Variants in GPHN observed in about 807,000 individuals in gnomAD.
GPHN encodes the protein gephyrin.
A neutral mutation model predicts 95.5 loss-of-function variants in GPHN; 17 were observed. That is an observed-to-expected ratio of 0.18 (90% CI 0.12 to 0.27). The LOEUF (loss-of-function observed/expected upper bound fraction) is 0.27. GPHN is among the 10% of genes least tolerant of loss of function. GPHN has a pLI of 1.00. For missense variants in GPHN, 660 were observed against 978.1 expected (o/e 0.67, Z 4.34); for synonymous variants, 320 against 322.5 (o/e 0.99, Z 0.08).
the GPHN span, chr14:67,515,407 CCGGCGGCGGCGG>C: frequency 1.2e-4 from 22 of 178,880 alleles, no homozygotes; most frequent in Middle Eastern, 2.6e-3. Context: ...AAAGGAGCCC[CCGGCGGCGGCGG>C]CGGCGGCGGC....
At chr14:67,435,624 G>C in the GPHN span, among the ~76,000 whole-genome samples, 1 of 152,174 alleles carries the variant, frequency 6.6e-6, no homozygotes, top group Non-Finnish European at 1.5e-5. Context: ...TCCCAGGGAG[G>C]TCACTGGAAG....
At chr14:67,110,048 A>G (rs2078278737) in intron 13 of GPHN, 92 bp from the exon 14 acceptor site, 1 of 1,113,778 alleles carries the variant, frequency 9.0e-7, no homozygotes, top group Non-Finnish European at 1.3e-6. Flanking sequence ...TTTATGGTTT[A>G]TTTTTTAATA....
the GPHN span, among the ~76,000 whole-genome samples, chr14:67,522,413 G>A: frequency 9.2e-5 from 14 of 152,286 alleles, no homozygotes; most frequent in East Asian, 9.7e-4. Flanking sequence ...AAGCTTAGTC[G>A]TCTGAGGGGG....
At chr14:67,605,493 C>A in the GPHN span, among the ~76,000 whole-genome samples, 1 of 151,856 alleles carries the variant, frequency 6.6e-6, no homozygotes, top group South Asian at 2.1e-4. Context: ...AAGTGCTGGG[C>A]TTACAGGCAT....
intron 18 of GPHN, among the ~76,000 whole-genome samples, chr14:67,155,455 A>T (rs192762040): frequency 6.6e-6 from 1 of 152,370 alleles, no homozygotes; most frequent in Non-Finnish European, 1.5e-5. Context: ...TTGATAAAGT[A>T]GACCTAAAAA....
intron 9 of GPHN, among the ~76,000 whole-genome samples, chr14:66,975,437 T>G (rs529021327): frequency 1.3e-5 from 2 of 152,314 alleles, no homozygotes; most frequent in African/African-American, 4.8e-5. Context: ...GAAGAAGCAG[T>G]TTTTAGCATT....
chr14:67,547,343 G>A, the GPHN span, among the ~76,000 whole-genome samples: 1 of 152,230 alleles, frequency 6.6e-6, no homozygotes, highest in South Asian at 2.1e-4. Flanking sequence ...TGTCAGGATT[G>A]TGTCTGTCCT....
At chr14:67,642,793 C>CTTTTTTTTTTTTTTTTT in the GPHN span, among the ~76,000 whole-genome samples, 44 of 75,556 alleles carry the variant, frequency 5.8e-4, 13 homozygotes, top group African/African-American at 1.6e-3. Flanking sequence ...ACTACATTTT[C>CTTTTTTTTTTTTTTTTT]TTTTTTTTTT....
In GPHN at chr14:66,740,667, A is replaced by AGCC. The variant is rs1673250500; in HGVS notation, c.144-35797_144-35796insGCC. 5.3e-5 allele frequency among the ~76,000 whole-genome samples: 8 copies of AGCC among 152,276 alleles called. No individual in the cohort carries two copies. In the South Asian group the frequency reaches 1.7e-3, roughly 32 times the overall value. ...TGTGGTAAGTGCTTATCATATTTTT[A>AGCC]AAATGACTGATATTTGGCTCTTATA... is the stretch of plus-strand genomic sequence containing the variant. On this transcript the variant is annotated intron_variant, in intron 2 of 22. Coordinates refer to ENST00000478722, the MANE Select transcript of GPHN (RefSeq NM_020806.5).
chr14:67,226,011 C>G, the GPHN span, among the ~76,000 whole-genome samples: 1 of 150,772 alleles, frequency 6.6e-6, no homozygotes, highest in African/African-American at 2.4e-5. Context: ...GGGCTGAGTT[C>G]ACAGTATTGA....
chr14:66,533,810 C>T (rs990076608), intron 1 of GPHN, among the ~76,000 whole-genome samples: 1 of 152,078 alleles, frequency 6.6e-6, no homozygotes, highest in Non-Finnish European at 1.5e-5. Flanking sequence ...TACAGTTACG[C>T]CTTAGGTGAC....
chr14:67,577,240 T>C, the GPHN span: 1 of 998,262 alleles, frequency 1.0e-6, no homozygotes, highest in Non-Finnish European at 1.5e-6. Context: ...TGGCGGTGAG[T>C]GGGAGATGAG....
At chr14:66,822,163 G>A (rs1267771777) in intron 3 of GPHN, among the ~76,000 whole-genome samples, 3 of 152,060 alleles carry the variant, frequency 2.0e-5, no homozygotes. Flanking sequence ...TCTTGGCCTG[G>A]GTGGCCTCGA....
At chr14:66,937,420 C>T (rs377100845) in intron 8 of GPHN, among the ~76,000 whole-genome samples, 20 of 148,952 alleles carry the variant, frequency 1.3e-4, no homozygotes, top group African/African-American at 3.5e-4. Context: ...CTCCTTCTGT[C>T]GCCAGGCTGG....
chr14:67,203,395 T>C, the GPHN span: 1 of 939,234 alleles, frequency 1.1e-6, no homozygotes, highest in Non-Finnish European at 1.5e-6. Flanking sequence ...CAGTGGAGCA[T>C]GTTACTCGCA....
chr14:66,971,375 A>G (rs1487746599), intron 9 of GPHN, among the ~76,000 whole-genome samples: 1 of 152,212 alleles, frequency 6.6e-6, no homozygotes, highest in Admixed American at 6.5e-5. Context: ...CATAAACAAC[A>G]TATTTTATGA....
chr14:66,721,428 T>G (rs566218449), intron 2 of GPHN, among the ~76,000 whole-genome samples: 1 of 152,310 alleles, frequency 6.6e-6, no homozygotes, highest in South Asian at 2.1e-4. Flanking sequence ...TCTATCAACT[T>G]TATATAACTC....
At chr14:66,794,490 G>T (rs1332847968) in intron 3 of GPHN, among the ~76,000 whole-genome samples, 2 of 152,048 alleles carry the variant, frequency 1.3e-5, no homozygotes, top group Admixed American at 6.5e-5. Context: ...ATAGCAATAT[G>T]AGAATGGACA....
At chr14:66,828,001 A>G (rs879669256) in intron 4 of GPHN, among the ~76,000 whole-genome samples, 3 of 152,038 alleles carry the variant, frequency 2.0e-5, no homozygotes, top group Admixed American at 1.3e-4. Context: ...TAGCAGCTAC[A>G]TAGTTAAAAT....
Sources: allele counts gnomAD v4.1 joint callset (sites outside exome capture counted in the v4.1 genomes callset), GRCh38; gene constraint gnomAD v4.1.1; transcripts MANE v1.5; gene names NCBI Gene and HGNC (gene_info 2026-07-23, HGNC 2026-07-21).